The following NBPF3 variants were observed in gnomAD, a reference collection of about 807,000 sequenced individuals.
NBPF3 encodes the protein NBPF family member NBPF3.
A neutral mutation model predicts 78.1 loss-of-function variants in NBPF3; 57 were observed. The observed-to-expected ratio is 0.73, with a 90% CI of 0.59 to 0.91. The LOEUF (loss-of-function observed/expected upper bound fraction) is 0.91, where lower values mean the gene tolerates loss of function less well. NBPF3 is among the 40% of genes least tolerant of loss of function. The pLI, the probability that NBPF3 is intolerant of heterozygous loss-of-function variation, is 0.00. For synonymous variants in NBPF3, 182 were observed against 271.7 expected (o/e 0.67, Z 3.25); for missense variants, 510 against 715.3 (o/e 0.71, Z 3.27).
chr1:21,436,887 G>A, upstream of NBPF3: 1 of 480,082 alleles, frequency 2.1e-6, no homozygotes, highest in Admixed American at 4.6e-5. The surrounding 1 kb of genome is among the most constrained non-coding windows in gnomAD (Gnocchi z 4.3). Flanking sequence ...TGGGGGCGGG[G>A]ACGGGTCCGG....
At chr1:21,456,320 C>T (rs1377363013) in intron 2 of NBPF3, among the ~76,000 whole-genome samples, 1 of 152,210 alleles carries the variant, frequency 6.6e-6, no homozygotes, top group South Asian at 2.1e-4. Context: ...TCACATAGAG[C>T]ATTCACCAAG....
intron 2 of NBPF3, among the ~76,000 whole-genome samples, chr1:21,457,412 GTATA>G (rs1371591058): frequency 1.2e-5 from 1 of 83,786 alleles, no homozygotes; most frequent in Non-Finnish European, 2.9e-5. Context: ...ATATGCATGT[GTATA>G]TATATGTGTG....
In NBPF3 at chr1:21,476,896, G is replaced by T. The variant is rs1385832248; in HGVS notation, c.993-1248G>T. On this transcript the variant is annotated intron_variant, in intron 8 of 14. Coordinates refer to ENST00000318249, the MANE Select transcript of NBPF3 (RefSeq NM_032264.6). This position sits in a 1 kb window ranked among gnomAD's most constrained non-coding sequence, Gnocchi z 4.1. ...TTTCCAACTTGGTTCCATTCTCCCC[G>T]TCACTTTCAGGTACACCAATCAAAT... Among the ~76,000 whole-genome samples the T allele has an allele frequency of 6.6e-6, 1 of 152,130 alleles. No individual in the cohort carries two copies. Among genetic ancestry groups the T allele is most frequent in the Non-Finnish European group, 1.5e-5 (1 of 68,034 alleles).
chr1:21,469,702 G>T (rs1178396725), intron 3 of NBPF3, among the ~76,000 whole-genome samples: 1 of 152,188 alleles, frequency 6.6e-6, no homozygotes, highest in Non-Finnish European at 1.5e-5. Flanking sequence ...TCCAGCCTGG[G>T]CGATAGGGCA....
At chr1:21,464,862 C>T (rs1256041454) in intron 2 of NBPF3, among the ~76,000 whole-genome samples, 1 of 151,752 alleles carries the variant, frequency 6.6e-6, no homozygotes, top group Non-Finnish European at 1.5e-5. Context: ...AAAAAATTAG[C>T]CAGAAATGGT....
At chr1:21,470,831 G>T in intron 4 of NBPF3, 97 bp downstream of exon 4, 1 of 714,456 alleles carries the variant, frequency 1.4e-6, no homozygotes, top group East Asian at 2.9e-5. Flanking sequence ...ACTGGGCCAG[G>T]GGAAGGGCAG....
At chr1:21,456,711 A>G (rs1343425453) in intron 2 of NBPF3, among the ~76,000 whole-genome samples, 1 of 152,158 alleles carries the variant, frequency 6.6e-6, no homozygotes, top group Admixed American at 6.5e-5. Context: ...AGAAGGCAAC[A>G]CTTCCAACCC....
chr1:21,446,640 T>C (rs979402246), intron 2 of NBPF3, among the ~76,000 whole-genome samples: 1 of 149,714 alleles, frequency 6.7e-6, no homozygotes, highest in Non-Finnish European at 1.5e-5. Context: ...GCTCTTTTTC[T>C]TTCCTTTTTG....
In NBPF3 at chr1:21,473,396, G is replaced by A. The variant is rs768213737; in HGVS notation, c.751G>A (p.Glu251Lys). 3.7e-6 allele frequency: 6 copies of A among 1,614,000 alleles called. No individual in the cohort carries two copies. The highest frequency in any genetic ancestry group is 1.6e-4 in the Middle Eastern group (1 of 6,078). ...LYAPREVQKA[E>K]EKEVPEDSLE... ...GCTCATCAGGGAGGTGCAGAAGGCT[G>A]AAGAAAAGGAAGTCCCTGAGGACTC... is the stretch of plus-strand genomic sequence containing the variant. Residue 251 changes from glutamate to lysine, a missense_variant, in exon 7 of 15, where the codon GAA becomes AAA. Around this residue, in one of 5 missense-constraint regions of NBPF3, gnomAD observed 440 missense variants for 478.2 expected, o/e 0.92. Transcript: ENST00000318249.
intron 2 of NBPF3, among the ~76,000 whole-genome samples, chr1:21,451,093 ACT>A (rs1641284228): frequency 1.3e-5 from 2 of 151,530 alleles, no homozygotes; most frequent in Admixed American, 6.6e-5. Flanking sequence ...TTTTTCTCAC[ACT>A]CTTTTGCATA....
At position 21,478,126 on chromosome 1, in the gene NBPF3, T is replaced by C. The variant is rs771330879; in HGVS notation, c.993-18T>C. ...TTGGTTATATCTTCTGTCATCCCTG[T>C]CCTGCCTGGCTCATCAGGAATCTGC... On this transcript the variant is annotated intron_variant, in intron 8 of 14. Coordinates refer to ENST00000318249, the MANE Select transcript of NBPF3 (RefSeq NM_032264.6). 16 of 1,613,564 alleles carry C rather than the reference T, an allele frequency of 9.9e-6. No individual in the cohort carries two copies. Among genetic ancestry groups the C allele is most frequent in the Admixed American group, 5.0e-5 (3 of 60,004 alleles).
At chr1:21,457,307 T>C (rs1251163800) in intron 2 of NBPF3, among the ~76,000 whole-genome samples, 2 of 150,772 alleles carry the variant, frequency 1.3e-5, no homozygotes, top group East Asian at 1.9e-4. Context: ...ATAGGAGATA[T>C]CATATTTATT....
At chr1:21,455,968 T>C (rs944801035) in intron 2 of NBPF3, among the ~76,000 whole-genome samples, 20 of 152,154 alleles carry the variant, frequency 1.3e-4, no homozygotes, top group Admixed American at 9.8e-4. Context: ...ACTGAGACAC[T>C]AGAATGGATG....
Position 21,468,823 on chromosome 1 carries a change from A to C in NBPF3, c.269A>C (p.Gln90Pro), listed in dbSNP as rs747871166. Reference sequence around the variant, plus strand: ...CCCCAGCTGGCAGAGAACAAACAGCAGTTCAGAAACCTCAAACAGAAATGT... The same window carrying C: ...CCCCAGCTGGCAGAGAACAAACAGCCGTTCAGAAACCTCAAACAGAAATGT... ...SRPQLAENKQ[Q>P]FRNLKQKCLV... The change falls in exon 3 of 15, where the codon CAG becomes CCG. Residue 90 changes from glutamine (Q) to proline (P), a missense_variant. By Grantham distance (76) the Gln-to-Pro change is moderately conservative. Coordinates refer to ENST00000318249, the MANE Select transcript of NBPF3 (RefSeq NM_032264.6). 1 of 1,614,216 alleles carries C rather than the reference A, an allele frequency of 6.2e-7. No individual in the cohort carries two copies. The highest frequency in any genetic ancestry group is 1.1e-5 in the South Asian group (1 of 91,084).
Position 21,472,912 on chromosome 1 carries a change from C to G in NBPF3, c.731C>G (p.Pro244Arg). The change falls in exon 6 of 15, where the codon CCC (proline) becomes CGC (arginine). Residue 244 changes from proline (P) to arginine (R), a missense_variant. By Grantham distance (103) the Pro-to-Arg change is moderately radical. Around this residue, in one of 5 missense-constraint regions of NBPF3, gnomAD observed 440 missense variants for 478.2 expected, o/e 0.92. Transcript: ENST00000318249. ...EAEKVQELYA[P>R]REVQKAEEKE... Reference sequence around the variant, plus strand: ...GAGAAAGTACAGGAATTATATGCCCCCAGGTAACGCTGAATAATCGGGAGC... The same window carrying G: ...GAGAAAGTACAGGAATTATATGCCCGCAGGTAACGCTGAATAATCGGGAGC... The G allele has an allele frequency of 6.2e-7, 1 of 1,608,310 alleles. No individual in the cohort carries two copies. Among genetic ancestry groups the G allele is most frequent in the Admixed American group, 1.7e-5 (1 of 60,016 alleles).
chr1:21,478,360 C>T, intron 9 of NBPF3, 53 bp downstream of exon 9: 1 of 1,587,826 alleles, frequency 6.3e-7, no homozygotes, highest in African/African-American at 1.3e-5. Flanking sequence ...CCCAGGTAGA[C>T]CCCATAATCT....
In NBPF3 at chr1:21,460,545, G is replaced by C. The variant is rs1379711694; in HGVS notation, c.134-8143G>C. 1.3e-5 allele frequency among the ~76,000 whole-genome samples: 2 copies of C among 152,174 alleles called. No homozygotes were observed. The highest frequency in any genetic ancestry group is 1.5e-5 in the Non-Finnish European group (1 of 68,036). On this transcript the variant is annotated intron_variant, in intron 2 of 14. Transcript: ENST00000318249. This position sits in a 1 kb window ranked among gnomAD's most constrained non-coding sequence, Gnocchi z 4.2. ...CATTGAGGAAATGGAAGACTTTTAAGTAAAAGGATTTTGAGTGAAATAATA... is the reference window on the plus strand; with the variant it reads ...CATTGAGGAAATGGAAGACTTTTAACTAAAAGGATTTTGAGTGAAATAATA...
chr1:21,459,816 G>T, intron 2 of NBPF3: 1 of 284,530 alleles, frequency 3.5e-6, no homozygotes, highest in South Asian at 4.2e-5. Flanking sequence ...GATGCTCTTC[G>T]TTTGAAGATG....
chr1:21,463,496 G>T (rs574492391), intron 2 of NBPF3, among the ~76,000 whole-genome samples: 3 of 152,284 alleles, frequency 2.0e-5, no homozygotes, highest in Non-Finnish European at 4.4e-5. Flanking sequence ...TAAAACCCAG[G>T]AAAGTTCTCA....
Sources: gnomAD v4.1 joint callset for allele counts (sites outside exome capture counted in the v4.1 genomes callset) on GRCh38, gnomAD v4.1.1 for gene constraint, gnomAD v4.1.1 regional missense constraint, Gnocchi (gnomAD v3.1) non-coding constraint, MANE v1.5 for transcripts, NCBI Gene and HGNC (gene_info 2026-07-23, HGNC 2026-07-21) for gene names.